PCCA: variants seen among roughly 807,000 people sequenced by gnomAD.
PCCA encodes the protein propionyl-CoA carboxylase alpha chain, mitochondrial.
Under a neutral mutation model 101.3 loss-of-function variants are expected in PCCA, and 74 were observed. The observed-to-expected ratio is 0.73, with a 90% CI of 0.61 to 0.89. The LOEUF (loss-of-function observed/expected upper bound fraction) is 0.89, where lower values mean the gene tolerates loss of function less well. Ranked by LOEUF, PCCA falls within the 40% of genes least tolerant of loss-of-function variation. The pLI is 0.00. For synonymous variants in PCCA, 294 were observed against 313.6 expected, an observed-to-expected ratio of 0.94 and a Z score of 0.66; for missense variants, 891 against 907.0, an observed-to-expected ratio of 0.98 and a Z score of 0.23.
chr13:100,487,171 TCAG>T (rs2084446891), intron 21 of PCCA, among the ~76,000 whole-genome samples: 1 of 152,202 alleles, frequency 6.6e-6, no homozygotes, highest in African/African-American at 2.4e-5. Context: ...CATAGAGGCC[TCAG>T]CAGTATTACT....
At chr13:100,222,106 A>C (rs1353122692) in intron 7 of PCCA, among the ~76,000 whole-genome samples, 1 of 150,282 alleles carries the variant, frequency 6.7e-6, no homozygotes, top group Non-Finnish European at 1.5e-5. Context: ...CAGTGGCACA[A>C]TCTGGACTCA....
At chr13:100,223,315 C>T (rs1044132807) in intron 7 of PCCA, among the ~76,000 whole-genome samples, 5 of 152,060 alleles carry the variant, frequency 3.3e-5, no homozygotes, top group African/African-American at 9.7e-5. Context: ...CTTAAGGTGG[C>T]GCGTCTGGAG....
chr13:100,260,646 C>T (rs1454955397), intron 9 of PCCA, among the ~76,000 whole-genome samples: 2 of 152,082 alleles, frequency 1.3e-5, no homozygotes, highest in Non-Finnish European at 2.9e-5. Context: ...ATCCACCCGC[C>T]TCAGCCTCCC....
At chr13:100,524,254 C>T (rs1206294398) in intron 22 of PCCA, among the ~76,000 whole-genome samples, 3 of 152,216 alleles carry the variant, frequency 2.0e-5, no homozygotes, top group African/African-American at 7.2e-5. Context: ...AGCCTCTTCC[C>T]ACAGACTGGG....
At chr13:100,343,832 T>C (rs1233934156) in intron 18 of PCCA, among the ~76,000 whole-genome samples, 1 of 152,252 alleles carries the variant, frequency 6.6e-6, no homozygotes, top group African/African-American at 2.4e-5. Flanking sequence ...TCCCACACTT[T>C]GGGAGGCCAA....
intron 8 of PCCA, among the ~76,000 whole-genome samples, chr13:100,251,781 G>A (rs145226472): frequency 2.7e-3 from 416 of 152,256 alleles, no homozygotes; most frequent in Non-Finnish European, 4.5e-3. Context: ...CTTTTGATGC[G>A]ATGGAAGAAC....
chr13:100,140,986 G>A (rs923024475), intron 4 of PCCA, among the ~76,000 whole-genome samples: 1 of 152,156 alleles, frequency 6.6e-6, no homozygotes, highest in African/African-American at 2.4e-5. Context: ...GGAGAGAAAG[G>A]AAAGTGTTAC....
chr13:100,338,833 A>G (rs2070892482), intron 17 of PCCA, among the ~76,000 whole-genome samples: 2 of 151,344 alleles, frequency 1.3e-5, no homozygotes, highest in South Asian at 4.2e-4. Context: ...GAGCAGATAG[A>G]TTACTTCCCT....
At chr13:100,130,005 A>G (rs1460940985) in intron 4 of PCCA, among the ~76,000 whole-genome samples, 3 of 152,184 alleles carry the variant, frequency 2.0e-5, no homozygotes, top group Non-Finnish European at 4.4e-5. Context: ...ATTGTTGTAC[A>G]TTTGAAGTAG....
chr13:100,165,398 G>A (rs2054923798), intron 6 of PCCA, among the ~76,000 whole-genome samples: 1 of 152,054 alleles, frequency 6.6e-6, no homozygotes, highest in South Asian at 2.1e-4. Flanking sequence ...AAGTTTAAGA[G>A]GTTTAATTTG....
intron 19 of PCCA, among the ~76,000 whole-genome samples, chr13:100,412,195 TCAA>T (rs2078094165): frequency 6.6e-6 from 1 of 152,128 alleles, no homozygotes; most frequent in Admixed American, 6.6e-5. Flanking sequence ...CACAGTGCAG[TCAA>T]CAACATCAGG....
chr13:100,254,053 G>A (rs1450139707), intron 8 of PCCA, among the ~76,000 whole-genome samples: 2 of 152,056 alleles, frequency 1.3e-5, no homozygotes, highest in Non-Finnish European at 2.9e-5. Flanking sequence ...GAGGCCTCAC[G>A]ATCATGGTGG....
chr13:100,187,642 T>A (rs2057394654), intron 6 of PCCA, among the ~76,000 whole-genome samples: 1 of 152,194 alleles, frequency 6.6e-6, no homozygotes, highest in Admixed American at 6.5e-5. Flanking sequence ...TTTTTAAAAT[T>A]GTTTCTCAGT....
Position 100,227,120 on chromosome 13 carries a change from C to T in PCCA, c.601-8722C>T, listed in dbSNP as rs11842730. On this transcript the variant is annotated intron_variant, in intron 7 of 23. Transcript: ENST00000376285. ...CTGAGTAGCTGGGATTGCAGGCATGCGCCACCACGCCCGGCTAATTTTTTT... is the reference window on the plus strand; with the variant it reads ...CTGAGTAGCTGGGATTGCAGGCATGTGCCACCACGCCCGGCTAATTTTTTT... Among the ~76,000 whole-genome samples the T allele has an allele frequency of 3.8e-3, 574 of 152,160 alleles. 3 individuals are homozygous for T. Among genetic ancestry groups the T allele is most frequent in the African/African-American group, 0.013 (536 of 41,536 alleles).
At chr13:100,237,942 T>TCTTTC (rs376456569) in intron 8 of PCCA, among the ~76,000 whole-genome samples, 8,661 of 146,038 alleles carry the variant, frequency 0.059, 323 homozygotes, top group Non-Finnish European at 0.085. Context: ...TTTCTTTCTT[T>TCTTTC]TTTTTTTTTT....
At chr13:100,095,068 CT>C (rs1289569607) in intron 1 of PCCA, among the ~76,000 whole-genome samples, 1 of 152,210 alleles carries the variant, frequency 6.6e-6, no homozygotes, top group East Asian at 1.9e-4. Flanking sequence ...AGAATCCTTT[CT>C]TGCCTCTTTG....
chr13:100,482,587 T>C (rs1224088154), intron 21 of PCCA, among the ~76,000 whole-genome samples: 2 of 147,296 alleles, frequency 1.4e-5, no homozygotes, highest in Non-Finnish European at 2.9e-5. Context: ...TTTTTTGTTT[T>C]GGTTTTTTGT....
intron 19 of PCCA, among the ~76,000 whole-genome samples, chr13:100,387,432 G>A (rs577010812): frequency 2.0e-5 from 3 of 152,184 alleles, no homozygotes; most frequent in Non-Finnish European, 4.4e-5. Flanking sequence ...GGGTTCCAGA[G>A]CTCATAGTAA....
intron 21 of PCCA, among the ~76,000 whole-genome samples, chr13:100,501,439 A>C (rs897688909): frequency 2.6e-4 from 39 of 152,180 alleles, no homozygotes; most frequent in African/African-American, 9.4e-4. Context: ...TTGTCAGCTG[A>C]GTCTAGGAGA....
Sources: gnomAD v4.1 joint callset for allele counts (sites outside exome capture counted in the v4.1 genomes callset) on GRCh38, gnomAD v4.1.1 for gene constraint, MANE v1.5 for transcripts, NCBI Gene and HGNC (gene_info 2026-07-23, HGNC 2026-07-21) for gene names.